TRIM2: variants seen among roughly 807,000 people sequenced by gnomAD.
TRIM2 encodes tripartite motif-containing protein 2.
A neutral mutation model predicts 75.2 loss-of-function variants in TRIM2; 20 were observed. The ratio of observed to expected loss-of-function variants is 0.27; its 90% CI spans 0.19 to 0.39. The LOEUF (loss-of-function observed/expected upper bound fraction) is 0.39, where lower values mean the gene tolerates loss of function less well. Among genes scored for constraint, TRIM2 ranks in the 10% least tolerant of loss-of-function variants. The probability of loss-of-function intolerance (pLI) is 1.00; values close to 1 mark genes in which losing one functional copy is unlikely to be tolerated. For missense variants in TRIM2, 660 were observed against 990.8 expected (o/e 0.67, Z 4.48); for synonymous variants, 373 against 388.3 (o/e 0.96, Z 0.46).
intron 1 of TRIM2, among the ~76,000 whole-genome samples, chr4:153,235,226 C>G (rs1438065120): frequency 6.6e-6 from 1 of 152,068 alleles, no homozygotes; most frequent in Non-Finnish European, 1.5e-5. Context: ...CTGAAGCACT[C>G]AAAGTCAGTT....
intron 8 of TRIM2, among the ~76,000 whole-genome samples, chr4:153,320,776 G>T (rs576686644): frequency 6.6e-6 from 1 of 152,158 alleles, no homozygotes; most frequent in East Asian, 1.9e-4. Context: ...GGAATTATAG[G>T]CACCCACCAC....
chr4:153,197,973 G>T (rs981635346), intron 1 of TRIM2, among the ~76,000 whole-genome samples: 11 of 152,154 alleles, frequency 7.2e-5, no homozygotes, highest in Admixed American at 4.6e-4. Flanking sequence ...GAGAAAACAG[G>T]CCCTCACCAA....
intron 6 of TRIM2, among the ~76,000 whole-genome samples, chr4:153,300,134 G>A (rs1763564361): frequency 6.6e-6 from 1 of 152,168 alleles, no homozygotes; most frequent in South Asian, 2.1e-4. Context: ...TATGATAATT[G>A]TATTTTTAAT....
chr4:153,304,994 C>A (rs1483652076), intron 6 of TRIM2, among the ~76,000 whole-genome samples: 2 of 152,184 alleles, frequency 1.3e-5, no homozygotes, highest in Non-Finnish European at 2.9e-5. Flanking sequence ...CAGTAGTCCA[C>A]ATGAGCTATT....
chr4:153,292,930 A>G, intron 3 of TRIM2, 52 bp from the exon 4 acceptor site: 1 of 1,500,612 alleles, frequency 6.7e-7, no homozygotes, highest in Admixed American at 2.0e-5. Context: ...AGTGTAGAGT[A>G]AGCCCTCAAC....
At chr4:153,188,880 A>G (rs992667452) in intron 1 of TRIM2, among the ~76,000 whole-genome samples, 2 of 152,156 alleles carry the variant, frequency 1.3e-5, no homozygotes, top group African/African-American at 4.8e-5. Context: ...TTATTTCTCA[A>G]ACTGTACATT....
In TRIM2 at chr4:153,337,985, T is replaced by C. The variant is rs9631758; in HGVS notation, c.*3019T>C. On this transcript the variant is annotated 3_prime_UTR_variant, in exon 12 of 12. Transcript: ENST00000338700. ...ATGACTACAAGTCCTTTATGACTGTTTGCCATTTTTTTTAATGGTACTTAG... is the reference window on the plus strand; with the variant it reads ...ATGACTACAAGTCCTTTATGACTGTCTGCCATTTTTTTTAATGGTACTTAG... The C allele has an allele frequency of 0.023, 22,986 of 985,706 alleles. 739 individuals are homozygous for C. Among genetic ancestry groups the C allele is most frequent in the South Asian group, 0.13 (2,671 of 21,268 alleles). 61.1% of individuals were successfully genotyped at this position (985,706 alleles called of 1,614,324 possible).
intron 1 of TRIM2, among the ~76,000 whole-genome samples, chr4:153,241,482 C>T (rs913323364): frequency 2.0e-5 from 3 of 152,180 alleles, no homozygotes; most frequent in Admixed American, 2.0e-4. Context: ...CGAACTGTGA[C>T]AACTGCCATG....
rs187069487 is a variant in TRIM2 at position 153,169,128 on chromosome 4, T to A, written c.-49+15858T>A. ...TCTCATAGTGTTGATTCTTCTCAGC[T>A]CTAACCTAGCACTTATTCAAAATTC... On this transcript the variant is annotated intron_variant, in intron 1 of 11. Coordinates refer to the TRIM2 transcript ENST00000437508. Among the ~76,000 whole-genome samples, 67 of 152,302 alleles carry A rather than the reference T, an allele frequency of 4.4e-4. 1 individual carries two copies. The highest frequency in any genetic ancestry group is 1.5e-3 in the African/African-American group (64 of 41,568).
At chr4:153,256,909 G>GT (rs1418400641) in intron 1 of TRIM2, among the ~76,000 whole-genome samples, 1 of 151,968 alleles carries the variant, frequency 6.6e-6, no homozygotes, top group Admixed American at 6.6e-5. Flanking sequence ...GAACTGGACT[G>GT]TTTGTTTGTT....
chr4:153,228,848 A>G (rs1018351096), intron 1 of TRIM2, among the ~76,000 whole-genome samples: 1 of 152,222 alleles, frequency 6.6e-6, no homozygotes, highest in Non-Finnish European at 1.5e-5. Context: ...TCTGCCTTCA[A>G]GTAGCAATTA....
chr4:153,175,017 GTTTTT>G (rs142893145), intron 1 of TRIM2, among the ~76,000 whole-genome samples: 15,719 of 61,984 alleles, frequency 0.25, 878 homozygotes, highest in East Asian at 0.33. Flanking sequence ...GTTTTGTTTT[GTTTTT>G]TTTTGAGACA....
At chr4:153,251,837 T>C (rs868488417) in intron 1 of TRIM2, among the ~76,000 whole-genome samples, 32 of 152,118 alleles carry the variant, frequency 2.1e-4, no homozygotes, top group African/African-American at 7.5e-4. Context: ...AAAAATTAAC[T>C]TAGCATGGTG....
chr4:153,264,138 G>C (rs1411836149), intron 1 of TRIM2, among the ~76,000 whole-genome samples: 1 of 152,186 alleles, frequency 6.6e-6, no homozygotes, highest in Non-Finnish European at 1.5e-5. Context: ...ACACTGAGCT[G>C]GACAAAGGGG....
chr4:153,307,451 A>AT (rs919063875), intron 6 of TRIM2, among the ~76,000 whole-genome samples: 1 of 149,986 alleles, frequency 6.7e-6, no homozygotes, highest in Non-Finnish European at 1.5e-5. Flanking sequence ...AAAAATATAT[A>AT]TTTTTTTACT....
At chr4:153,238,258 C>T (rs1487766982) in intron 1 of TRIM2, among the ~76,000 whole-genome samples, 1 of 152,212 alleles carries the variant, frequency 6.6e-6, no homozygotes, top group Non-Finnish European at 1.5e-5. Context: ...ATTTTTAGGG[C>T]AGATTTGCAA....
intron 1 of TRIM2, among the ~76,000 whole-genome samples, chr4:153,181,824 C>T (rs1732091685): frequency 6.6e-6 from 1 of 152,118 alleles, no homozygotes. Flanking sequence ...TGGCCCAGCT[C>T]ATGTCTCCCC....
At chr4:153,216,011 G>A (rs577266090) in intron 1 of TRIM2, among the ~76,000 whole-genome samples, 31 of 152,230 alleles carry the variant, frequency 2.0e-4, no homozygotes, top group Middle Eastern at 3.4e-3. Context: ...AACTTCAAAA[G>A]CCTGACACAT....
intron 8 of TRIM2, among the ~76,000 whole-genome samples, chr4:153,316,879 T>TTTTTTTTG (rs1767729613): frequency 8.5e-6 from 1 of 118,142 alleles, no homozygotes; most frequent in African/African-American, 3.6e-5. Flanking sequence ...ATGCCTTTTT[T>TTTTTTTTG]TTTTTTTTTT....
Sources: gnomAD v4.1 joint callset for allele counts (sites outside exome capture counted in the v4.1 genomes callset) on GRCh38, gnomAD v4.1.1 for gene constraint, MANE v1.5 for transcripts, NCBI Gene and HGNC (gene_info 2026-07-23, HGNC 2026-07-21) for gene names.